INPP5B: variants seen among roughly 807,000 people sequenced by gnomAD.
INPP5B encodes type II inositol 1,4,5-trisphosphate 5-phosphatase.
Under a neutral mutation model 118.5 loss-of-function variants are expected in INPP5B, and 90 were observed. The ratio of observed to expected loss-of-function variants is 0.76; its 90% confidence interval spans 0.64 to 0.90. The LOEUF is 0.90. Among genes scored for constraint, INPP5B ranks in the 40% least tolerant of loss-of-function variants. INPP5B has a pLI of 0.00. For synonymous variants in INPP5B, 385 were observed against 418.9 expected (o/e 0.92, Z 0.99); for missense variants, 984 against 1,125.6 (o/e 0.87, Z 1.80).
chr1:37,921,400 C>A (rs1218695935), intron 7 of INPP5B, among the ~76,000 whole-genome samples: 1 of 152,168 alleles, frequency 6.6e-6, no homozygotes, highest in Non-Finnish European at 1.5e-5. Context: ...GGAAAAAATC[C>A]ATTTTTTCCA....
chr1:37,865,611 A>C, intron 22 of INPP5B, 150 bp downstream of exon 22: 1 of 828,196 alleles, frequency 1.2e-6, no homozygotes, highest in East Asian at 3.3e-5. Context: ...CATTAAAAGA[A>C]ACAAAGACAT....
At chr1:37,927,003 G>C (rs1645254311) in intron 7 of INPP5B, among the ~76,000 whole-genome samples, 1 of 152,120 alleles carries the variant, frequency 6.6e-6, no homozygotes, top group Admixed American at 6.6e-5. Flanking sequence ...GTTAAGAACA[G>C]TGAGGCCAGG....
At chr1:37,915,098 G>C (rs1389744502) in intron 7 of INPP5B, among the ~76,000 whole-genome samples, 3 of 152,148 alleles carry the variant, frequency 2.0e-5, no homozygotes, top group Non-Finnish European at 4.4e-5. Flanking sequence ...TCTGTGCTTT[G>C]TACTGCATAT....
chr1:37,891,521 T>C (rs1214586772), intron 7 of INPP5B, 67 bp from the exon 8 acceptor site: 1 of 1,213,472 alleles, frequency 8.2e-7, no homozygotes, highest in Non-Finnish European at 1.2e-6. Context: ...ATGCCTGTAA[T>C]CCCAGCACTT....
chr1:37,899,806 C>T (rs544479761), intron 7 of INPP5B, among the ~76,000 whole-genome samples: 3 of 151,788 alleles, frequency 2.0e-5, no homozygotes, highest in African/African-American at 7.3e-5. Flanking sequence ...CTTCGCCTGC[C>T]GGGTTCACGC....
rs1373138701 is a variant in INPP5B, at chr1:37,873,244, T to TA, written c.1952-80dup. 4 of 1,002,706 alleles carry TA rather than the reference T, an allele frequency of 4.0e-6. No individual in the cohort carries two copies. The African/African-American group carries it at 6.3e-5, about 16-fold the overall frequency. The allele number at this position is 1,002,706 out of a possible 1,614,324, so 62.1% of individuals were successfully genotyped here. On this transcript the variant is annotated intron_variant, in intron 18 of 23. Coordinates refer to ENST00000373024, the MANE Select transcript of INPP5B (RefSeq NM_005540.3). Reference sequence around the variant, plus strand: ...GGAAAGAAGGCAGGAGGGAAGAGGGTAAGGCATAAAGGGTTAGGAAAAGGA... The same window carrying TA: ...GGAAAGAAGGCAGGAGGGAAGAGGGTAAAGGCATAAAGGGTTAGGAAAAGGA...
chr1:37,872,326 C>T (rs1274341566), intron 19 of INPP5B, among the ~76,000 whole-genome samples: 1 of 140,430 alleles, frequency 7.1e-6, no homozygotes, highest in South Asian at 2.2e-4. Flanking sequence ...GCCAAGATCA[C>T]GTCATTGCAC....
intron 6 of INPP5B, among the ~76,000 whole-genome samples, chr1:37,932,940 TCTCTGACTCAAACC>T (rs1272013389): frequency 6.6e-6 from 1 of 152,176 alleles, no homozygotes; most frequent in African/African-American, 2.4e-5. Context: ...GTCACCTCTG[TCTCTGACTCAAACC>T]CTCTGACTCA....
intron 7 of INPP5B, among the ~76,000 whole-genome samples, chr1:37,921,871 GTGGCGGGCACCTGTAACGGGCTTGC>G (rs1238552503): frequency 2.0e-5 from 3 of 152,138 alleles, no homozygotes; most frequent in Non-Finnish European, 4.4e-5. Flanking sequence ...GCCAGGCGTG[GTGGCGGGCACCTGTAACGGGCTTGC>G]TGGCGAGCGC....
intron 7 of INPP5B, among the ~76,000 whole-genome samples, chr1:37,892,708 C>A (rs1006573735): frequency 6.6e-6 from 1 of 152,226 alleles, no homozygotes; most frequent in African/African-American, 2.4e-5. Flanking sequence ...TGCCTCCAAT[C>A]AATCACCAAA....
chr1:37,909,173 G>T (rs905109985), intron 7 of INPP5B, among the ~76,000 whole-genome samples: 8 of 152,064 alleles, frequency 5.3e-5, no homozygotes, highest in Non-Finnish European at 8.8e-5. Flanking sequence ...TTACACATCG[G>T]TCCCTTCCTA....
chr1:37,926,437 C>A (rs369705455), intron 7 of INPP5B, among the ~76,000 whole-genome samples: 17 of 152,212 alleles, frequency 1.1e-4, no homozygotes, highest in African/African-American at 4.1e-4. Context: ...GCGCACGCCA[C>A]CACGCCCAGC....
intron 7 of INPP5B, among the ~76,000 whole-genome samples, chr1:37,897,208 C>T (rs1470411464): frequency 2.6e-5 from 4 of 151,760 alleles, no homozygotes; most frequent in African/African-American, 4.8e-5. Context: ...CCCCTCTGCC[C>T]GGCCACCACC....
At position 37,904,496 on chromosome 1, in the gene INPP5B, A is replaced by AT. The variant is rs1403907223; in HGVS notation, c.533-13043dup. On this transcript the variant is annotated intron_variant, in intron 7 of 23. Coordinates refer to ENST00000373024, the MANE Select transcript of INPP5B (RefSeq NM_005540.3). ...ACATACTGGCTAAAGTTAAGAGGGTATTATTCAGTTTTTCTGTAAATTAAA... is the reference window on the plus strand; with the variant it reads ...ACATACTGGCTAAAGTTAAGAGGGTATTTATTCAGTTTTTCTGTAAATTAAA... Among the ~76,000 whole-genome samples, 7 of 152,188 alleles carry AT rather than the reference A, an allele frequency of 4.6e-5. No homozygotes were observed. The East Asian group carries it at 1.3e-3, about 29-fold the overall frequency.
At position 37,908,566 on chromosome 1, in the gene INPP5B, C is replaced by T. The variant is rs145861051; in HGVS notation, c.533-17112G>A. On this transcript the variant is annotated intron_variant, in intron 7 of 23. Transcript: ENST00000373024. ...CTGCCTGGGCAATATAGCGAGACCC[C>T]GTTCTCCAGAAAAAGGAAAAAAAAA... Among the ~76,000 whole-genome samples, 1,323 of 151,030 alleles carry T rather than the reference C, an allele frequency of 8.8e-3. 17 individuals are homozygous for T. The highest frequency in any genetic ancestry group is 0.03 in the African/African-American group (1,242 of 41,036).
At chr1:37,923,336 A>C (rs1013327019) in intron 7 of INPP5B, among the ~76,000 whole-genome samples, 1 of 152,208 alleles carries the variant, frequency 6.6e-6, no homozygotes, top group Non-Finnish European at 1.5e-5. Context: ...AGTTTGAAGT[A>C]AAAGGAAATG....
At chr1:37,863,437 C>T (rs1231295998) in intron 23 of INPP5B, among the ~76,000 whole-genome samples, 1 of 152,084 alleles carries the variant, frequency 6.6e-6, no homozygotes, top group Non-Finnish European at 1.5e-5. Context: ...ATTGCTTGAA[C>T]CCGGGTGGCG....
At chr1:37,934,375 G>A (rs778025779) in intron 6 of INPP5B, among the ~76,000 whole-genome samples, 8 of 152,020 alleles carry the variant, frequency 5.3e-5, no homozygotes, top group South Asian at 2.1e-4. Context: ...GCATTGTCTC[G>A]GTATCTAGAA....
intron 6 of INPP5B, among the ~76,000 whole-genome samples, chr1:37,934,734 C>A (rs28516970): frequency 1.6e-3 from 248 of 152,206 alleles, no homozygotes; most frequent in African/African-American, 5.7e-3. Flanking sequence ...GTGGTGTGGA[C>A]CCCAGAAGGA....
Sources: gnomAD v4.1 joint callset for allele counts (sites outside exome capture counted in the v4.1 genomes callset) on GRCh38, gnomAD v4.1.1 for gene constraint, MANE v1.5 for transcripts, NCBI Gene and HGNC (gene_info 2026-07-23, HGNC 2026-07-21) for gene names.